The following VDAC1 variants were observed in gnomAD, a reference collection of about 807,000 sequenced individuals.
VDAC1 encodes the protein voltage dependent anion channel 1.
VDAC1 carries 10 observed loss-of-function variants against 34.7 expected under a neutral mutation model. The ratio of observed to expected loss-of-function variants is 0.29; its 90% CI spans 0.18 to 0.49. The LOEUF (loss-of-function observed/expected upper bound fraction) is 0.49. Ranked by LOEUF, VDAC1 falls within the 20% of genes least tolerant of loss-of-function variation. VDAC1 has a pLI of 0.99. For synonymous variants in VDAC1, 130 were observed against 136.0 expected (o/e 0.96, Z 0.30); for missense variants, 230 against 347.9 (o/e 0.66, Z 2.69).
the VDAC1 span, among the ~76,000 whole-genome samples, chr5:134,071,356 C>G: frequency 6.6e-6 from 1 of 152,140 alleles, no homozygotes; most frequent in African/African-American, 2.4e-5. The surrounding 1 kb of genome is among the most constrained non-coding windows in gnomAD (Gnocchi z 4.1). Flanking sequence ...TGGAGGCCCA[C>G]AAAGGGACTC....
chr5:134,067,901 T>G, the VDAC1 span, among the ~76,000 whole-genome samples: 1 of 152,134 alleles, frequency 6.6e-6, no homozygotes, highest in African/African-American at 2.4e-5. Context: ...GCGGATCACT[T>G]GAGGTCAGGA....
chr5:134,009,606 C>A (rs1030895961), upstream of VDAC1, among the ~76,000 whole-genome samples: 1 of 151,944 alleles, frequency 6.6e-6, no homozygotes, highest in Non-Finnish European at 1.5e-5. Flanking sequence ...AGTTGTGTTT[C>A]TATTTATGAG....
the VDAC1 span, among the ~76,000 whole-genome samples, chr5:134,071,409 A>G: frequency 6.6e-6 from 1 of 152,160 alleles, no homozygotes; most frequent in Non-Finnish European, 1.5e-5. The surrounding 1 kb of genome is among the most constrained non-coding windows in gnomAD (Gnocchi z 4.1). Context: ...CCAGCTGTGC[A>G]GGTGGCGACA....
chr5:134,036,735 C>T, the VDAC1 span, among the ~76,000 whole-genome samples: 44 of 151,328 alleles, frequency 2.9e-4, no homozygotes, highest in African/African-American at 9.5e-4. Flanking sequence ...AGGCGGATCA[C>T]GAGGTCAGGA....
intron 6 of VDAC1, 41 bp downstream of exon 6, chr5:133,980,688 A>AGGGC: frequency 4.9e-6 from 3 of 612,642 alleles, no homozygotes; most frequent in East Asian, 3.2e-5. Context: ...CACATGCTCC[A>AGGGC]ACCCCACCCC....
chr5:133,982,628 G>A (rs938209190), intron 5 of VDAC1, among the ~76,000 whole-genome samples: 5 of 152,090 alleles, frequency 3.3e-5, no homozygotes, highest in East Asian at 1.9e-4. Context: ...GGTGGCTTAC[G>A]CCTATAATCC....
In VDAC1 at chr5:133,980,711, G is replaced by A. The variant is rs756492398; in HGVS notation, c.551+18C>T. On this transcript the variant is annotated intron_variant, in intron 6 of 8. Transcript: ENST00000265333. The stretch of plus-strand genomic sequence containing the variant: ...CCAACCCCACCCCTCCCACCCTGCT[G>A]CCCCCATGTACACTTACACATTAGT... 3.6e-6 allele frequency: 2 copies of A among 556,616 alleles called. No homozygotes were observed. Among genetic ancestry groups the A allele is most frequent in the East Asian group, 7.1e-5 (1 of 13,988 alleles). The allele number at this position is 556,616 out of a possible 1,614,324, so 34.5% of individuals were successfully genotyped here.
chr5:134,073,516 C>T, the VDAC1 span, among the ~76,000 whole-genome samples: 2 of 152,132 alleles, frequency 1.3e-5, no homozygotes, highest in Non-Finnish European at 2.9e-5. Context: ...ACTTGAATAC[C>T]TCCTCTGATG....
At chr5:134,017,769 C>T in the VDAC1 span, among the ~76,000 whole-genome samples, 11 of 152,100 alleles carry the variant, frequency 7.2e-5, no homozygotes, top group South Asian at 1.0e-3. Flanking sequence ...AAAAATTAGC[C>T]GGGCTTAGTG....
chr5:134,084,275 T>C, the VDAC1 span, among the ~76,000 whole-genome samples: 1 of 152,144 alleles, frequency 6.6e-6, no homozygotes, highest in Non-Finnish European at 1.5e-5. Context: ...AAGAGTCTAC[T>C]GGAGTATTGA....
chr5:134,052,731 G>T, the VDAC1 span, among the ~76,000 whole-genome samples: 1 of 152,176 alleles, frequency 6.6e-6, no homozygotes, highest in Non-Finnish European at 1.5e-5. Flanking sequence ...TGGGCCAGGC[G>T]CTGTGCTAGG....
the VDAC1 span, among the ~76,000 whole-genome samples, chr5:134,026,071 A>G: frequency 1.5e-4 from 23 of 152,140 alleles, no homozygotes; most frequent in Non-Finnish European, 2.5e-4. Context: ...GCAGCTAGAC[A>G]TGATTCCAAC....
Position 133,980,945 on chromosome 5 carries a change from G to C in VDAC1, c.335C>G (p.Ala112Gly). The part of the protein sequence containing the change: ...SFSPNTGKKN[A>G]KIKTGYKREH... ...CCGCTTGTACCCTGTCTTGATTTTA[G>C]CATTTTTTTTCCTGAAGGAAAATAA... The change falls in exon 6 of 9, where the codon GCT becomes GGT. Residue 112 changes from alanine to glycine, a missense_variant. By Grantham distance (60) the Ala-to-Gly change is moderately conservative. Transcript: ENST00000265333. 1 of 1,613,514 alleles carries C rather than the reference G, an allele frequency of 6.2e-7. No individual in the cohort carries two copies. Among genetic ancestry groups the C allele is most frequent in the Non-Finnish European group, 8.5e-7 (1 of 1,179,854 alleles).
At chr5:134,029,548 C>T in the VDAC1 span, among the ~76,000 whole-genome samples, 1 of 152,206 alleles carries the variant, frequency 6.6e-6, no homozygotes, top group South Asian at 2.1e-4. Context: ...CTGTGCTGTG[C>T]AATTTGATGG....
intron 1 of VDAC1, among the ~76,000 whole-genome samples, chr5:133,999,438 C>G (rs28369574): frequency 0.051 from 7,711 of 152,286 alleles, 219 homozygotes; most frequent in East Asian, 0.13. Context: ...CTGTCTGCCC[C>G]TCCAGATCCA....
chr5:134,069,143 A>C, the VDAC1 span, among the ~76,000 whole-genome samples: 28 of 152,322 alleles, frequency 1.8e-4, no homozygotes, highest in African/African-American at 6.5e-4. Flanking sequence ...ATGAATGTTA[A>C]AGAAATCAGA....
the VDAC1 span, among the ~76,000 whole-genome samples, chr5:134,040,001 G>A: frequency 1.8e-3 from 270 of 152,318 alleles, 1 homozygote; most frequent in Middle Eastern, 3.4e-3. Context: ...CCCCTTAGGC[G>A]CAGGAGCTCC....
At chr5:134,077,494 AC>A in the VDAC1 span, among the ~76,000 whole-genome samples, 10 of 152,164 alleles carry the variant, frequency 6.6e-5, no homozygotes, top group African/African-American at 2.4e-4. Context: ...GGATCTATGA[AC>A]TGTTCTCATG....
At chr5:134,023,756 A>G in the VDAC1 span, among the ~76,000 whole-genome samples, 3 of 152,138 alleles carry the variant, frequency 2.0e-5, no homozygotes, top group Non-Finnish European at 4.4e-5. Flanking sequence ...GCAAGTGTTG[A>G]TAAGGCAGAG....
Sources: allele counts gnomAD v4.1 joint callset (sites outside exome capture counted in the v4.1 genomes callset), GRCh38; gene constraint gnomAD v4.1.1; non-coding constraint Gnocchi (gnomAD v3.1); transcripts MANE v1.5; gene names NCBI Gene and HGNC (gene_info 2026-07-23, HGNC 2026-07-21).